CACNA1C: variants seen among roughly 807,000 people sequenced by gnomAD.
CACNA1C encodes the protein calcium voltage-gated channel subunit alpha1 C.
Under a neutral mutation model 229.0 loss-of-function variants are expected in CACNA1C, and 30 were observed. That is an observed-to-expected ratio of 0.13 (90% confidence interval 0.10 to 0.18). The LOEUF (loss-of-function observed/expected upper bound fraction) is 0.18. CACNA1C is among the 10% of genes least tolerant of loss of function. The probability of loss-of-function intolerance (pLI) is 1.00; values close to 1 mark genes in which losing one functional copy is unlikely to be tolerated. For missense variants in CACNA1C, 1,658 were observed against 2,845.0 expected, an observed-to-expected ratio of 0.58 and a Z score of 9.49; for synonymous variants, 1,114 against 1,132.5, an observed-to-expected ratio of 0.98 and a Z score of 0.33.
intron 1 of CACNA1C, among the ~76,000 whole-genome samples, chr12:2,072,197 A>G (rs542552987): frequency 1.4e-5 from 2 of 147,096 alleles, no homozygotes; most frequent in African/African-American, 5.2e-5. Flanking sequence ...ATATATATAC[A>G]AAAAATATAT....
intron 3 of CACNA1C, among the ~76,000 whole-genome samples, chr12:2,341,272 A>G (rs1407564276): frequency 6.6e-6 from 1 of 152,188 alleles, no homozygotes; most frequent in African/African-American, 2.4e-5. Context: ...GACCCCTGGG[A>G]TAGCGTGAGG....
intron 1 of CACNA1C, among the ~76,000 whole-genome samples, chr12:2,111,195 T>A (rs902502862): frequency 6.6e-6 from 1 of 152,342 alleles, no homozygotes; most frequent in African/African-American, 2.4e-5. Flanking sequence ...CTCCAGATGG[T>A]GTGCTCCAGA....
In CACNA1C at chr12:2,575,178, T is replaced by C. The variant is rs928257166; in HGVS notation, c.1896-6412T>C. ...ACAGAGAAGACAAGACCTTTGAACT[T>C]GTTAACTAAGTCAGCCCTTGCCTCA... is the stretch of plus-strand genomic sequence containing the variant. On this transcript the variant is annotated intron_variant, in intron 13 of 46. Transcript: ENST00000399655. This position sits in a 1 kb window ranked among gnomAD's most constrained non-coding sequence, Gnocchi z 4.0. Among the ~76,000 whole-genome samples the C allele has an allele frequency of 4.6e-5, 7 of 152,156 alleles. No homozygotes were observed. Among genetic ancestry groups the C allele is most frequent in the Non-Finnish European group, 7.3e-5 (5 of 68,030 alleles).
intron 3 of CACNA1C, among the ~76,000 whole-genome samples, chr12:2,283,182 T>A (rs1230076245): frequency 6.6e-6 from 1 of 152,190 alleles, no homozygotes; most frequent in Non-Finnish European, 1.5e-5. Flanking sequence ...TTGATCAAGC[T>A]GCCAGAGTGT....
At chr12:2,089,971 G>A (rs576726839) in intron 1 of CACNA1C, among the ~76,000 whole-genome samples, 16 of 152,282 alleles carry the variant, frequency 1.1e-4, no homozygotes, top group African/African-American at 3.9e-4. Context: ...GGAGGTTGCG[G>A]TGAGCTGCGA....
At chr12:2,590,140 G>A (rs1476337133) in intron 18 of CACNA1C, among the ~76,000 whole-genome samples, 1 of 152,138 alleles carries the variant, frequency 6.6e-6, no homozygotes. Flanking sequence ...TCAATACTCT[G>A]TAGGCACTAG....
At chr12:2,564,732 T>G (rs2049394984) in intron 11 of CACNA1C, among the ~76,000 whole-genome samples, 1 of 152,212 alleles carries the variant, frequency 6.6e-6, no homozygotes, top group Non-Finnish European at 1.5e-5. Flanking sequence ...AAGGGACTAT[T>G]GATTCTGCCT....
intron 30 of CACNA1C, chr12:2,641,463 C>G (rs145356367): frequency 6.4e-4 from 337 of 527,602 alleles, no homozygotes; most frequent in African/African-American, 5.8e-3. Context: ...TCCGTGGTCT[C>G]AGGACAGCTG....
At chr12:2,435,922 C>T (rs2099130236) in intron 3 of CACNA1C, among the ~76,000 whole-genome samples, 1 of 152,184 alleles carries the variant, frequency 6.6e-6, no homozygotes, top group South Asian at 2.1e-4. Context: ...ACAGACTGGC[C>T]AGGAGGCTGC....
intron 3 of CACNA1C, among the ~76,000 whole-genome samples, chr12:2,142,663 C>T (rs985159761): frequency 1.3e-5 from 2 of 151,174 alleles, no homozygotes; most frequent in South Asian, 2.1e-4. Flanking sequence ...ATGTGGAAGA[C>T]AGTGATATGG....
chr12:2,433,470 C>T (rs756937165), intron 3 of CACNA1C, among the ~76,000 whole-genome samples: 12 of 152,234 alleles, frequency 7.9e-5, no homozygotes, highest in South Asian at 2.1e-4. Context: ...CATCTATCCA[C>T]CCATCCATTC....
intron 3 of CACNA1C, among the ~76,000 whole-genome samples, chr12:2,406,317 A>T (rs1274788313): frequency 1.3e-5 from 2 of 152,150 alleles, no homozygotes. Context: ...AGAAATTTTC[A>T]GCCATTATTT....
intron 1 of CACNA1C, among the ~76,000 whole-genome samples, chr12:2,016,797 G>C (rs987725892): frequency 6.6e-6 from 1 of 152,148 alleles, no homozygotes; most frequent in Admixed American, 6.5e-5. Flanking sequence ...TCCTAATATA[G>C]TTTTGGTATT....
chr12:2,486,105 T>C lies in CACNA1C; in HGVS notation c.759T>C (p.Ser253=). 4.4e-6 allele frequency: 7 copies of C among 1,601,760 alleles called. No individual in the cohort carries two copies. Among genetic ancestry groups the C allele is most frequent in the Non-Finnish European group, 6.0e-6 (7 of 1,173,082 alleles). Residue 253 remains serine (S), a splice_region_variant and synonymous_variant, in exon 6 of 47, where the codon AGT becomes AGC. Coordinates refer to ENST00000399655, the MANE Select transcript of CACNA1C (RefSeq NM_000719.7). This position sits in a 1 kb window ranked among gnomAD's most constrained non-coding sequence, Gnocchi z 4.9. Reference sequence around the variant, plus strand: ...CAGTGAGTGGCTCTGTCCCCGCAGGTCTCCAGGTGGTCCTGAATTCCATCA... The same window carrying C: ...CAGTGAGTGGCTCTGTCCCCGCAGGCCTCCAGGTGGTCCTGAATTCCATCA... ...RPLRLVSGVP[S]LQVVLNSIIK...
intron 18 of CACNA1C, among the ~76,000 whole-genome samples, chr12:2,591,771 C>T (rs1430076804): frequency 6.6e-6 from 1 of 151,714 alleles, no homozygotes; most frequent in African/African-American, 2.4e-5. Flanking sequence ...GTTCTAGAGG[C>T]TGGAAGTCCA....
intron 1 of CACNA1C, among the ~76,000 whole-genome samples, chr12:1,981,225 C>A (rs1367722282): frequency 6.6e-6 from 1 of 152,134 alleles, no homozygotes. Flanking sequence ...TCACTCACTG[C>A]TTCGGGTTTC....
chr12:2,168,887 A>G (rs2096359359), intron 3 of CACNA1C, among the ~76,000 whole-genome samples: 1 of 152,098 alleles, frequency 6.6e-6, no homozygotes, highest in Non-Finnish European at 1.5e-5. Context: ...TTCTGAACCA[A>G]TAGGAAAATG....
intron 39 of CACNA1C, chr12:2,676,691 G>A (rs2270371): frequency 0.057 from 9,310 of 162,290 alleles, 387 homozygotes; most frequent in Admixed American, 0.12. Context: ...AGTTGATGAG[G>A]GACATTTGAA....
At chr12:2,331,711 A>C (rs2096554363) in intron 3 of CACNA1C, among the ~76,000 whole-genome samples, 1 of 152,264 alleles carries the variant, frequency 6.6e-6, no homozygotes, top group African/African-American at 2.4e-5. Context: ...CCCAAGATGG[A>C]CCCAACATCA....
Sources: gnomAD v4.1 joint callset for allele counts (sites outside exome capture counted in the v4.1 genomes callset) on GRCh38, gnomAD v4.1.1 for gene constraint, Gnocchi (gnomAD v3.1) non-coding constraint, MANE v1.5 for transcripts, NCBI Gene and HGNC (gene_info 2026-07-23, HGNC 2026-07-21) for gene names.